The following CA5A variants were observed in gnomAD, a reference collection of about 807,000 sequenced individuals.
The protein encoded by CA5A is carbonic anhydrase 5A.
A neutral mutation model predicts 37.1 loss-of-function variants in CA5A; 28 were observed. The observed-to-expected ratio is 0.75, with a 90% CI of 0.56 to 1.03. The LOEUF (loss-of-function observed/expected upper bound fraction) is 1.03, where lower values mean the gene tolerates loss of function less well. Ranked by LOEUF, CA5A falls within the 50% of genes least tolerant of loss-of-function variation. CA5A has a pLI of 0.00. For synonymous variants in CA5A, 171 were observed against 158.4 expected (o/e 1.08, Z -0.60); for missense variants, 444 against 399.9 (o/e 1.11, Z -0.94).
rs374378501 is a variant in CA5A, at chr16:87,936,328, C to A, written c.123G>T (p.Trp41Cys). 1.3e-4 allele frequency: 202 copies of A among 1,613,478 alleles called. No homozygotes were observed. The highest frequency in any genetic ancestry group is 5.8e-4 in the South Asian group (53 of 91,042). ...ACTTACAAGTGTTATTGCTGGTTTG[C>A]CATGCACAGGAACGCTGAGAACACC... ...GRWCSQRSCA[W>C]QTSNNTLHPL... The change falls in exon 1 of 7, where the codon TGG (tryptophan) becomes TGT (cysteine). Residue 41 changes from tryptophan to cysteine, a missense_variant. Coordinates refer to ENST00000649794, the MANE Select transcript of CA5A (RefSeq NM_001739.2).
chr16:87,933,718 T>C (rs1439794960), intron 1 of CA5A, among the ~76,000 whole-genome samples: 2 of 152,214 alleles, frequency 1.3e-5, no homozygotes, highest in African/African-American at 2.4e-5. Context: ...TGTAACTCTT[T>C]GACTTTTCTC....
intron 1 of CA5A, among the ~76,000 whole-genome samples, chr16:87,930,186 G>A (rs920768550): frequency 4.6e-5 from 7 of 152,218 alleles, no homozygotes; most frequent in Admixed American, 1.3e-4. Flanking sequence ...TTTCTGGCCC[G>A]TGCATTCCCG....
chr16:87,908,757 T>A (rs1264436811), intron 2 of CA5A, among the ~76,000 whole-genome samples: 1 of 152,176 alleles, frequency 6.6e-6, no homozygotes, highest in Admixed American at 6.5e-5. Flanking sequence ...CCCACAGGCA[T>A]CTCTTCATCC....
At chr16:87,932,543 C>G (rs1485966649) in intron 1 of CA5A, among the ~76,000 whole-genome samples, 1 of 152,184 alleles carries the variant, frequency 6.6e-6, no homozygotes, top group Admixed American at 6.5e-5. Context: ...ACCCTGGTGC[C>G]CAGCAACGTA....
At chr16:87,891,260 G>A (rs1367950716) in intron 6 of CA5A, among the ~76,000 whole-genome samples, 1 of 151,614 alleles carries the variant, frequency 6.6e-6, no homozygotes, top group African/African-American at 2.4e-5. Context: ...CTGAGGTCAA[G>A]AGTTCAAGAC....
chr16:87,902,065 A>C, intron 4 of CA5A, 91 bp from the exon 5 acceptor site: 2 of 1,186,748 alleles, frequency 1.7e-6, no homozygotes, highest in South Asian at 1.2e-5. Flanking sequence ...TTTTAAAAGC[A>C]ATCCTAGGCC....
At position 87,933,040 on chromosome 16, in the gene CA5A, C is replaced by G. The variant is rs753923855; in HGVS notation, c.142+3269G>C. Among the ~76,000 whole-genome samples the G allele has an allele frequency of 2.6e-5, 4 of 152,240 alleles. No individual in the cohort carries two copies. The South Asian group carries it at 8.3e-4, about 32-fold the overall frequency. ...GGCTGCGAAGGGAGGATGAGAGATGCAGTGAGCAGGCCTGCACCCACCCAG... is the reference window on the plus strand; with the variant it reads ...GGCTGCGAAGGGAGGATGAGAGATGGAGTGAGCAGGCCTGCACCCACCCAG... On this transcript the variant is annotated intron_variant, in intron 1 of 6. Coordinates refer to ENST00000649794, the MANE Select transcript of CA5A (RefSeq NM_001739.2).
chr16:87,907,787 G>GTAT (rs2055987352), intron 2 of CA5A, among the ~76,000 whole-genome samples: 1 of 152,192 alleles, frequency 6.6e-6, no homozygotes, highest in African/African-American at 2.4e-5. Flanking sequence ...TTAGCCAGGT[G>GTAT]TGGTGGCAGG....
At chr16:87,904,487 G>A (rs1431047815) in intron 3 of CA5A, among the ~76,000 whole-genome samples, 1 of 152,218 alleles carries the variant, frequency 6.6e-6, no homozygotes, top group Admixed American at 6.5e-5. Context: ...AGTGAAGTGC[G>A]GCAAAGAGCT....
intron 5 of CA5A, among the ~76,000 whole-genome samples, chr16:87,896,361 C>A (rs1303993535): frequency 5.3e-5 from 8 of 152,294 alleles, no homozygotes. Context: ...GCCTCATCGT[C>A]CCCAGGAGTT....
chr16:87,898,311 CG>C (rs1447099460), intron 5 of CA5A, among the ~76,000 whole-genome samples: 13 of 152,190 alleles, frequency 8.5e-5, no homozygotes, highest in African/African-American at 2.9e-4. Context: ...GCTGAGTCCG[CG>C]GGGGAGTGGC....
chr16:87,929,886 A>AAAAC (rs1169068003), intron 1 of CA5A, among the ~76,000 whole-genome samples: 1 of 151,680 alleles, frequency 6.6e-6, no homozygotes, highest in Non-Finnish European at 1.5e-5. Flanking sequence ...AAAAAAAAAA[A>AAAAC]AAAAAAAAAA....
intron 1 of CA5A, among the ~76,000 whole-genome samples, chr16:87,932,384 C>G (rs2056419937): frequency 6.6e-6 from 1 of 152,142 alleles, no homozygotes; most frequent in South Asian, 2.1e-4. Flanking sequence ...ATTTTAGGTT[C>G]TGTTTGCTGA....
chr16:87,928,234 A>T (rs1295920732), intron 1 of CA5A, among the ~76,000 whole-genome samples: 1 of 152,160 alleles, frequency 6.6e-6, no homozygotes, highest in South Asian at 2.1e-4. Flanking sequence ...TAGTGGTGTC[A>T]ATCACTGCAG....
chr16:87,907,415 C>T (rs1322641243), intron 2 of CA5A, among the ~76,000 whole-genome samples: 3 of 151,958 alleles, frequency 2.0e-5, no homozygotes, highest in African/African-American at 4.8e-5. Flanking sequence ...AGGGTGGAGC[C>T]TCCCAGGGGG....
At chr16:87,924,073 A>G (rs1410809946) in intron 2 of CA5A, 2 of 985,328 alleles carry the variant, frequency 2.0e-6, no homozygotes, top group African/African-American at 3.5e-5. Flanking sequence ...TGAATAAATG[A>G]ATGCAAAAAT....
At chr16:87,908,398 A>AAT in intron 2 of CA5A, among the ~76,000 whole-genome samples, 1 of 152,230 alleles carries the variant, frequency 6.6e-6, no homozygotes, top group East Asian at 1.9e-4. Flanking sequence ...CGCATCGCAC[A>AAT]CCCTTCAGGG....
rs1567526325 is a variant in CA5A at position 87,911,668 on chromosome 16, C to G, written c.341-6764G>C. On this transcript the variant is annotated intron_variant, in intron 2 of 6. Transcript: ENST00000649794. This position sits in a 1 kb window ranked among gnomAD's most constrained non-coding sequence, Gnocchi z 4.6. ...AGGCAGGCAGGGGCCGCAGCCACTGCAAGCCCCTGCCCACAGAACTCCGCG... is the reference window on the plus strand; with the variant it reads ...AGGCAGGCAGGGGCCGCAGCCACTGGAAGCCCCTGCCCACAGAACTCCGCG... 6.6e-6 allele frequency among the ~76,000 whole-genome samples: 1 copy of G among 152,160 alleles called. No individual in the cohort carries two copies. Among genetic ancestry groups the G allele is most frequent in the African/African-American group, 2.4e-5 (1 of 41,438 alleles).
At chr16:87,936,250 A>T in intron 1 of CA5A, 59 bp downstream of exon 1, 3 of 1,219,372 alleles carry the variant, frequency 2.5e-6, no homozygotes, top group South Asian at 1.2e-5. Flanking sequence ...CTCTCGAAAG[A>T]CCCCATCAGC....
Sources: gnomAD v4.1 joint callset for allele counts (sites outside exome capture counted in the v4.1 genomes callset) on GRCh38, gnomAD v4.1.1 for gene constraint, Gnocchi (gnomAD v3.1) non-coding constraint, MANE v1.5 for transcripts, NCBI Gene and HGNC (gene_info 2026-07-23, HGNC 2026-07-21) for gene names.